GPR139: variants seen among roughly 807,000 people sequenced by gnomAD.
GPR139 encodes probable G protein-coupled receptor 139.
GPR139 carries 12 observed loss-of-function variants against 25.8 expected under a neutral mutation model. The ratio of observed to expected loss-of-function variants is 0.47; its 90% CI spans 0.30 to 0.75. GPR139 has a LOEUF of 0.75. Ranked by LOEUF, GPR139 falls within the 30% of genes least tolerant of loss-of-function variation. The pLI is 0.07. For synonymous variants in GPR139, 184 were observed against 179.9 expected (o/e 1.02, Z -0.18); for missense variants, 380 against 450.2 (o/e 0.84, Z 1.41).
At chr16:20,053,184 C>T (rs2057378234) in intron 1 of GPR139, among the ~76,000 whole-genome samples, 1 of 152,150 alleles carries the variant, frequency 6.6e-6, no homozygotes, top group Admixed American at 6.5e-5. Flanking sequence ...TCAACTCTAA[C>T]GGATCACTTG....
At chr16:20,072,761 A>G (rs1300730272) in intron 1 of GPR139, among the ~76,000 whole-genome samples, 1 of 152,174 alleles carries the variant, frequency 6.6e-6, no homozygotes. Context: ...TGAGCTGCCC[A>G]GGGTGGGTAG....
chr16:20,041,121 GA>G (rs2057328877), intron 1 of GPR139, among the ~76,000 whole-genome samples: 1 of 3,762 alleles, frequency 2.7e-4, no homozygotes, highest in Admixed American at 4.4e-3. Flanking sequence ...GAAAGGAAAG[GA>G]AAGGAAAGGA....
chr16:20,030,673 G>T lies in GPR139; in HGVS notation c.*1062C>A, dbSNP rs928993959. Among the ~76,000 whole-genome samples, 1 of 152,244 alleles carries T rather than the reference G, an allele frequency of 6.6e-6. No homozygotes were observed. Among genetic ancestry groups the T allele is most frequent in the Non-Finnish European group, 1.5e-5 (1 of 68,048 alleles). ...CACCTTTTGTGTCTGCGTTTGTGGC[G>T]AAATGGCAGCGCCAGCTGGGCTGTG... On this transcript the variant is annotated 3_prime_UTR_variant, in exon 2 of 2. Transcript: ENST00000570682.
At chr16:20,062,606 A>G (rs990179522) in intron 1 of GPR139, among the ~76,000 whole-genome samples, 1 of 152,208 alleles carries the variant, frequency 6.6e-6, no homozygotes, top group African/African-American at 2.4e-5. Flanking sequence ...TTTTTGCTGC[A>G]TTCTTGTGTC....
At chr16:20,065,031 G>T (rs764182044) in intron 1 of GPR139, among the ~76,000 whole-genome samples, 1 of 151,784 alleles carries the variant, frequency 6.6e-6, no homozygotes. Flanking sequence ...GTTTTTCCTC[G>T]ATCCTCCCTC....
In GPR139 at chr16:20,032,507, G is replaced by A. The variant is rs908747188; in HGVS notation, c.290C>T (p.Pro97Leu). Residue 97 changes from proline to leucine, a missense_variant, in exon 2 of 2, where the codon CCT becomes CTT. Physicochemically the swap from Pro to Leu is moderately conservative, Grantham distance 98 (BLOSUM62 -3). Coordinates refer to ENST00000570682, the MANE Select transcript of GPR139 (RefSeq NM_001002911.4). ...LEDFILNMQM[P>L]QVPDKIIEVL... ...TTCTATGATCTTGTCGGGGACCTGA[G>A]GCATCTGCATGTTCAAGATGAAATC... 1.8e-5 allele frequency: 29 copies of A among 1,614,012 alleles called. No individual in the cohort carries two copies. Among genetic ancestry groups the A allele is most frequent in the Non-Finnish European group, 2.4e-5 (28 of 1,180,034 alleles).
chr16:20,073,590 T>C lies in GPR139; in HGVS notation c.27A>G (p.Ala9=). 1.9e-6 allele frequency: 3 copies of C among 1,610,382 alleles called. No homozygotes were observed. The highest frequency in any genetic ancestry group is 1.7e-6 in the Non-Finnish European group (2 of 1,178,698). ...ACCACCAAGACAGCGAGCTGTTGGC[T>C]GCGAGGTGGGCGTGCGTGTGCTCCA... MEHTHAHL[A]ANSSLSWWSP... is the part of the protein sequence containing the mutation. The change falls in exon 1 of 2, where the codon GCA becomes GCG. Residue 9 remains alanine, a synonymous_variant. Coordinates refer to ENST00000570682, the MANE Select transcript of GPR139 (RefSeq NM_001002911.4). This position sits in a 1 kb window ranked among gnomAD's most constrained non-coding sequence, Gnocchi z 4.7.
intron 1 of GPR139, among the ~76,000 whole-genome samples, chr16:20,069,896 G>A (rs2057453896): frequency 6.6e-6 from 1 of 152,192 alleles, no homozygotes; most frequent in South Asian, 2.1e-4. Context: ...TTGCTTTTTG[G>A]CTCTGCTGAC....
intron 1 of GPR139, among the ~76,000 whole-genome samples, chr16:20,042,281 A>G (rs1399771905): frequency 6.6e-6 from 1 of 152,226 alleles, no homozygotes; most frequent in Non-Finnish European, 1.5e-5. Flanking sequence ...ACATTTGGCT[A>G]GTTCAGTTCA....
intron 1 of GPR139, among the ~76,000 whole-genome samples, chr16:20,065,035 C>T (rs2057426331): frequency 6.6e-6 from 1 of 151,998 alleles, no homozygotes; most frequent in Admixed American, 6.6e-5. Context: ...TTCCTCGATC[C>T]TCCCTCTAGA....
chr16:20,056,539 A>G (rs1231287311), intron 1 of GPR139, among the ~76,000 whole-genome samples: 1 of 152,172 alleles, frequency 6.6e-6, no homozygotes, highest in Non-Finnish European at 1.5e-5. Flanking sequence ...AGTCCTGCCT[A>G]CCCGTAGTAG....
chr16:20,057,385 G>A (rs1024698340), intron 1 of GPR139, among the ~76,000 whole-genome samples: 4 of 152,140 alleles, frequency 2.6e-5, no homozygotes, highest in Non-Finnish European at 5.9e-5. Context: ...GTACTCAAAT[G>A]GTAATGGTGG....
intron 1 of GPR139, among the ~76,000 whole-genome samples, chr16:20,067,868 G>A (rs925536196): frequency 5.7e-5 from 8 of 140,744 alleles, no homozygotes; most frequent in Non-Finnish European, 3.0e-5. Context: ...AGTCAACCAA[G>A]AAACTATGAT....
intron 1 of GPR139, among the ~76,000 whole-genome samples, chr16:20,058,367 T>C (rs890005367): frequency 1.8e-4 from 27 of 152,030 alleles, no homozygotes; most frequent in Non-Finnish European, 3.1e-4. Flanking sequence ...GTGTATTGTA[T>C]ACATAGTCAA....
intron 1 of GPR139, among the ~76,000 whole-genome samples, chr16:20,050,417 C>T (rs1161436400): frequency 6.6e-6 from 1 of 152,138 alleles, no homozygotes; most frequent in African/African-American, 2.4e-5. Context: ...GGCTAGGAGA[C>T]AGATGCATCT....
At chr16:20,058,458 G>A (rs1200284887) in intron 1 of GPR139, among the ~76,000 whole-genome samples, 2 of 152,118 alleles carry the variant, frequency 1.3e-5, no homozygotes, top group African/African-American at 4.8e-5. Flanking sequence ...AACAGATCAG[G>A]TGTAAGAAAA....
At chr16:20,053,549 G>A (rs2057379323) in intron 1 of GPR139, among the ~76,000 whole-genome samples, 1 of 152,222 alleles carries the variant, frequency 6.6e-6, no homozygotes, top group Non-Finnish European at 1.5e-5. Context: ...GCAGGGAAAT[G>A]AGGGATGAGA....
At chr16:20,040,455 T>A (rs2057325994) in intron 1 of GPR139, among the ~76,000 whole-genome samples, 1 of 152,218 alleles carries the variant, frequency 6.6e-6, no homozygotes, top group East Asian at 1.9e-4. Context: ...GCAACTTGAT[T>A]TTTTTCACTT....
At chr16:20,038,327 A>G (rs57363664) in intron 1 of GPR139, among the ~76,000 whole-genome samples, 21,539 of 79,878 alleles carry the variant, frequency 0.27, 2,013 homozygotes, top group East Asian at 0.44. Flanking sequence ...GATAATATAT[A>G]TATGTGTGTG....
Sources: gnomAD v4.1 joint callset for allele counts (sites outside exome capture counted in the v4.1 genomes callset) on GRCh38, gnomAD v4.1.1 for gene constraint, Gnocchi (gnomAD v3.1) non-coding constraint, MANE v1.5 for transcripts, NCBI Gene and HGNC (gene_info 2026-07-23, HGNC 2026-07-21) for gene names.